The following FAM185A variants were observed in gnomAD, a reference collection of about 807,000 sequenced individuals.
FAM185A encodes the protein protein FAM185A.
In FAM185A, 21 loss-of-function variants were observed where a neutral mutation model predicts 45.7. The ratio of observed to expected loss-of-function variants is 0.46; its 90% CI spans 0.33 to 0.66. FAM185A has a LOEUF of 0.66. Ranked by LOEUF, FAM185A falls within the 30% of genes least tolerant of loss-of-function variation. The probability of loss-of-function intolerance (pLI) is 0.03; values close to 1 mark genes in which losing one functional copy is unlikely to be tolerated. For missense variants in FAM185A, 305 were observed against 485.4 expected (o/e 0.63, Z 3.49); for synonymous variants, 117 against 194.0 (o/e 0.60, Z 3.30).
rs1584292044 is a variant in FAM185A at position 102,765,395 on chromosome 7, G to A, written c.793+3984G>A. 2.6e-5 allele frequency among the ~76,000 whole-genome samples: 4 copies of A among 152,262 alleles called. No individual in the cohort carries two copies. In the East Asian group the frequency reaches 7.7e-4, roughly 29 times the overall value. On this transcript the variant is annotated intron_variant, in intron 4 of 7. Coordinates refer to ENST00000413034, the MANE Select transcript of FAM185A (RefSeq NM_001145268.2). The stretch of plus-strand genomic sequence containing the variant: ...GGAACTGGACTCCTTCCATAAAAGT[G>A]ATGGTGCTGTCTTAAGTGTGTGGCT...
downstream of FAM185A, chr7:102,813,595 C>A: frequency 6.5e-7 from 1 of 1,539,474 alleles, no homozygotes; most frequent in Non-Finnish European, 8.8e-7. Context: ...AATTTTCAAA[C>A]TCAACCAAAT....
At chr7:102,824,415 T>A in the FAM185A span, among the ~76,000 whole-genome samples, 1 of 152,072 alleles carries the variant, frequency 6.6e-6, no homozygotes, top group African/African-American at 2.4e-5. Flanking sequence ...TGTTCTGGAG[T>A]ATTTCTTGCT....
At chr7:102,764,071 T>C (rs1286072273) in intron 4 of FAM185A, among the ~76,000 whole-genome samples, 2 of 152,184 alleles carry the variant, frequency 1.3e-5, no homozygotes, top group Non-Finnish European at 2.9e-5. Context: ...GTAATACTAG[T>C]ACAGCAATGA....
At chr7:102,770,950 A>T (rs1180758653) in intron 4 of FAM185A, among the ~76,000 whole-genome samples, 1 of 152,276 alleles carries the variant, frequency 6.6e-6, no homozygotes, top group African/African-American at 2.4e-5. Flanking sequence ...AAAGACATGG[A>T]ATCAACCTAT....
At chr7:102,768,976 G>A (rs563661118) in intron 4 of FAM185A, among the ~76,000 whole-genome samples, 25 of 152,112 alleles carry the variant, frequency 1.6e-4, no homozygotes, top group Non-Finnish European at 3.2e-4. Flanking sequence ...TTTGTTGCTT[G>A]GTATACTTTT....
At chr7:102,839,207 T>C in the FAM185A span, among the ~76,000 whole-genome samples, 1 of 152,228 alleles carries the variant, frequency 6.6e-6, no homozygotes, top group Non-Finnish European at 1.5e-5. Context: ...GCATAGTACC[T>C]ACCCTTGAAC....
chr7:102,751,616 T>C (rs1317264146), intron 1 of FAM185A, 76 bp from the exon 2 acceptor site: 36 of 1,440,138 alleles, frequency 2.5e-5, no homozygotes, highest in South Asian at 6.1e-5. Flanking sequence ...AACTGAGGAG[T>C]TGGGTTTCTA....
At chr7:102,826,290 A>T in the FAM185A span, among the ~76,000 whole-genome samples, 2 of 152,274 alleles carry the variant, frequency 1.3e-5, no homozygotes, top group East Asian at 3.9e-4. Flanking sequence ...TAGGTTAATA[A>T]CAGGTGGTTT....
At chr7:102,848,273 G>GTGTGTACGGATATT in the FAM185A span, among the ~76,000 whole-genome samples, 1 of 116,168 alleles carries the variant, frequency 8.6e-6, no homozygotes, top group South Asian at 2.7e-4. Context: ...ATACACATTC[G>GTGTGTACGGATATT]AGGCCGGGCG....
intron 7 of FAM185A, among the ~76,000 whole-genome samples, chr7:102,790,150 AAC>A (rs1470959134): frequency 3.9e-5 from 6 of 152,228 alleles, no homozygotes; most frequent in South Asian, 2.1e-4. Flanking sequence ...ATAAATCAGT[AAC>A]ACAGTCATTT....
chr7:102,831,540 T>C, the FAM185A span, among the ~76,000 whole-genome samples: 1 of 152,134 alleles, frequency 6.6e-6, no homozygotes, highest in African/African-American at 2.4e-5. Context: ...GGAGAGACAG[T>C]TGCCCAGATT....
chr7:102,754,770 T>C (rs1793595327), intron 2 of FAM185A, among the ~76,000 whole-genome samples: 1 of 152,282 alleles, frequency 6.6e-6, no homozygotes, highest in African/African-American at 2.4e-5. Context: ...TACAGCATCC[T>C]TAGGGAATAA....
Position 102,749,452 on chromosome 7 carries a change from C to T in FAM185A, c.245C>T (p.Pro82Leu), listed in dbSNP as rs1381603079. ...SPFGRLRARL[P>L]CHLAVRPLDP... ...TTTGGTCGGCTGCGGGCGCGGCTCC[C>T]GTGCCACCTGGCCGTGAGGCCCCTG... is the stretch of plus-strand genomic sequence containing the variant. The change falls in exon 1 of 8, where the codon CCG becomes CTG. Residue 82 changes from proline to leucine, a missense_variant. Physicochemically the swap from Pro to Leu is moderately conservative, Grantham distance 98. Coordinates refer to ENST00000413034, the MANE Select transcript of FAM185A (RefSeq NM_001145268.2). 6.5e-7 allele frequency: 1 copy of T among 1,547,662 alleles called. No individual in the cohort carries two copies. Among genetic ancestry groups the T allele is most frequent in the South Asian group, 1.2e-5 (1 of 83,860 alleles).
Position 102,787,447 on chromosome 7 carries a change from A to T in FAM185A, c.1044A>T (p.Lys348Asn), listed in dbSNP as rs1446862776. The change falls in exon 7 of 8, where the codon AAA (lysine) becomes AAT (asparagine). Residue 348 changes from lysine to asparagine, a missense_variant. Lys to Asn is a moderately conservative substitution (Grantham distance 94). This residue lies in a region of FAM185A where 66 missense variants were observed against 74.6 expected (regional missense o/e 0.89). Coordinates refer to ENST00000413034, the MANE Select transcript of FAM185A (RefSeq NM_001145268.2). ...VHVQEMAEVR[K>N]DDVVTVTGLM... is the part of the protein sequence containing the mutation. ...TTCAGGAAATGGCTGAAGTTCGTAAAGATGATGTTGTAACAGTGACTGGTA... is the reference window on the plus strand; with the variant it reads ...TTCAGGAAATGGCTGAAGTTCGTAATGATGATGTTGTAACAGTGACTGGTA... The T allele has an allele frequency of 1.3e-6, 2 of 1,533,686 alleles. No homozygotes were observed. The highest frequency in any genetic ancestry group is 2.7e-5 in the African/African-American group (2 of 72,830).
chr7:102,833,261 G>A, the FAM185A span, among the ~76,000 whole-genome samples: 1 of 152,136 alleles, frequency 6.6e-6, no homozygotes, highest in Non-Finnish European at 1.5e-5. Flanking sequence ...TCAGTAATGA[G>A]TAGAAGAAAA....
the FAM185A span, chr7:102,822,290 A>G: frequency 3.3e-6 from 4 of 1,218,234 alleles, no homozygotes; most frequent in East Asian, 9.4e-5. Flanking sequence ...CAACTATAAT[A>G]AACTACCACA....
At chr7:102,832,828 T>C in the FAM185A span, 1 of 1,614,124 alleles carries the variant, frequency 6.2e-7, no homozygotes, top group Non-Finnish European at 8.5e-7. Context: ...GAGCCCTGAC[T>C]CCTGCACATA....
At chr7:102,821,149 GA>G in the FAM185A span, among the ~76,000 whole-genome samples, 2 of 152,114 alleles carry the variant, frequency 1.3e-5, no homozygotes, top group Admixed American at 1.3e-4. Context: ...AGACTCCTAG[GA>G]CCCTATTTCA....
At chr7:102,833,102 A>C in the FAM185A span, 4 of 942,210 alleles carry the variant, frequency 4.2e-6, no homozygotes, top group East Asian at 1.1e-4. Flanking sequence ...TGCCCCCAAA[A>C]AATAATTTAA....
Sources: gnomAD v4.1 joint callset for allele counts (sites outside exome capture counted in the v4.1 genomes callset) on GRCh38, gnomAD v4.1.1 for gene constraint, gnomAD v4.1.1 regional missense constraint, MANE v1.5 for transcripts, NCBI Gene and HGNC (gene_info 2026-07-23, HGNC 2026-07-21) for gene names.